The following RXFP2 variants were observed in gnomAD, a reference collection of about 807,000 sequenced individuals.
RXFP2 encodes the protein relaxin receptor 2.
In RXFP2, 68 loss-of-function variants were observed where a neutral mutation model predicts 88.6. That is an observed-to-expected ratio of 0.77 (90% CI 0.63 to 0.94). The LOEUF (loss-of-function observed/expected upper bound fraction) is 0.94. Among genes scored for constraint, RXFP2 ranks in the 40% least tolerant of loss-of-function variants. The probability of loss-of-function intolerance (pLI) is 0.00; values close to 1 mark genes in which losing one functional copy is unlikely to be tolerated. For synonymous variants in RXFP2, 329 were observed against 306.8 expected (o/e 1.07, Z -0.76); for missense variants, 791 against 893.9 (o/e 0.88, Z 1.47).
At chr13:31,768,444 C>T (rs945999298) in intron 5 of RXFP2, among the ~76,000 whole-genome samples, 2 of 152,140 alleles carry the variant, frequency 1.3e-5, no homozygotes, top group African/African-American at 4.8e-5. Flanking sequence ...TGGCTTTGAT[C>T]TCCAAAGTCT....
chr13:31,789,222 A>T (rs1423648096), intron 14 of RXFP2, 29 bp downstream of exon 14: 1 of 1,404,796 alleles, frequency 7.1e-7, no homozygotes, highest in African/African-American at 1.4e-5. Flanking sequence ...TGGAGGAGGA[A>T]GCATGGTAAA....
chr13:31,741,337 C>T (rs1871218671), intron 1 of RXFP2, among the ~76,000 whole-genome samples: 1 of 151,716 alleles, frequency 6.6e-6, no homozygotes, highest in African/African-American at 2.4e-5. Context: ...TAATTTAAAC[C>T]TTTATGTTTA....
Position 31,803,169 on chromosome 13 carries a change from A to G in RXFP2, c.*764A>G, listed in dbSNP as rs1285808072. The stretch of plus-strand genomic sequence containing the variant: ...ATAATTTCTTTAGAGCAGTATCCCT[A>G]TTGCTGGCAAGTTCTGCTTTCATAA... On this transcript the variant is annotated 3_prime_UTR_variant, in exon 18 of 18. Transcript: ENST00000298386. The G allele has an allele frequency of 3.3e-5, 5 of 152,224 alleles. No individual in the cohort carries two copies. The South Asian group carries it at 6.2e-4, about 19-fold the overall frequency. 9.4% of individuals were successfully genotyped at this position (152,224 alleles called of 1,614,324 possible). A position where few individuals can be genotyped will look rare whatever the true frequency, so the allele number is the denominator to read the frequency against.
At chr13:31,778,868 C>G (rs1873124710) in intron 9 of RXFP2, among the ~76,000 whole-genome samples, 1 of 152,144 alleles carries the variant, frequency 6.6e-6, no homozygotes, top group Admixed American at 6.5e-5. Context: ...CTCCTACAGT[C>G]AATTCCCTAA....
chr13:31,747,431 A>G (rs550886521), intron 1 of RXFP2, among the ~76,000 whole-genome samples: 1 of 152,348 alleles, frequency 6.6e-6, no homozygotes, highest in South Asian at 2.1e-4. Context: ...TGCTTCTATT[A>G]CATGCACTCA....
At chr13:31,752,404 T>C (rs1871711337) in intron 1 of RXFP2, among the ~76,000 whole-genome samples, 1 of 152,068 alleles carries the variant, frequency 6.6e-6, no homozygotes, top group Non-Finnish European at 1.5e-5. Flanking sequence ...AGGGCAGGAA[T>C]CTCTGAAGTG....
At chr13:31,794,783 T>C (rs897377382) in intron 16 of RXFP2, among the ~76,000 whole-genome samples, 2 of 151,890 alleles carry the variant, frequency 1.3e-5, no homozygotes, top group East Asian at 1.9e-4. Flanking sequence ...CAGGGTAAGA[T>C]GAAGGACTGA....
intron 16 of RXFP2, among the ~76,000 whole-genome samples, chr13:31,793,827 G>C (rs777958469): frequency 2.5e-4 from 38 of 151,990 alleles, no homozygotes; most frequent in Non-Finnish European, 4.7e-4. Context: ...AAGCTCTTCT[G>C]TCCTTTCTTT....
rs773990372 is a variant in RXFP2, at chr13:31,792,781, G to T, written c.1479G>T (p.Val493=). 2 of 1,614,136 alleles carry T rather than the reference G, an allele frequency of 1.2e-6. No homozygotes were observed. Among genetic ancestry groups the T allele is most frequent in the Non-Finnish European group, 1.7e-6 (2 of 1,180,022 alleles). ...ATGCCTTGCTGTGGATGGAGAGCGT[G>T]CAGTGCCGCCTCATGGGGTTCCTGG... ...QKYALLWMES[V]QCRLMGFLAM... Residue 493 remains valine (V), a synonymous_variant, in exon 16 of 18, where the codon GTG becomes GTT. Transcript: ENST00000298386.
chr13:31,781,295 T>A (rs1555633), intron 9 of RXFP2, among the ~76,000 whole-genome samples: 3 of 152,054 alleles, frequency 2.0e-5, no homozygotes, highest in East Asian at 1.9e-4. Flanking sequence ...TGGATTTCTC[T>A]TATGTTAAAT....
At chr13:31,764,395 A>G (rs1448387748) in intron 3 of RXFP2, among the ~76,000 whole-genome samples, 4 of 148,610 alleles carry the variant, frequency 2.7e-5, no homozygotes, top group Non-Finnish European at 4.5e-5. Context: ...GTACATCCTG[A>G]GTCCTTCTTC....
Position 31,781,713 on chromosome 13 carries a change from G to A in RXFP2, c.828G>A (p.Thr276=), listed in dbSNP as rs929792385. The change falls in exon 10 of 18, where the codon ACG becomes ACA. Residue 276 remains threonine (T), a synonymous_variant. Transcript: ENST00000298386. ...GAATAAAGTATCTCACAAATTCTAC[G>A]TTTCTGTCGTGCGATTCGCTCACAG... The part of the protein sequence containing the change: ...GNRIKYLTNS[T]FLSCDSLTVL... 1.4e-5 allele frequency: 22 copies of A among 1,612,328 alleles called. No homozygotes were observed. Among genetic ancestry groups the A allele is most frequent in the Middle Eastern group, 1.6e-4 (1 of 6,080 alleles).
chr13:31,779,126 C>CTT (rs1167145629), intron 9 of RXFP2, among the ~76,000 whole-genome samples: 9,899 of 120,698 alleles, frequency 0.082, 508 homozygotes, highest in Middle Eastern at 0.14. Flanking sequence ...TTGGGCTTGT[C>CTT]TTTTTTTTTT....
chr13:31,784,135 T>C lies in RXFP2; in HGVS notation c.929+1388T>C, dbSNP rs569621708. Among the ~76,000 whole-genome samples, 10 of 151,978 alleles carry C rather than the reference T, an allele frequency of 6.6e-5. No individual in the cohort carries two copies. In the East Asian group the frequency reaches 1.9e-3, roughly 29 times the overall value. ...AGCCACCACGCCCAACCCAGAGGGG[T>C]ATTTTATATATAAACTTAAGGAAAC... On this transcript the variant is annotated intron_variant, in intron 11 of 17. Coordinates refer to ENST00000298386, the MANE Select transcript of RXFP2 (RefSeq NM_130806.5).
chr13:31,777,724 C>T (rs192089329), intron 8 of RXFP2, among the ~76,000 whole-genome samples: 2 of 152,220 alleles, frequency 1.3e-5, no homozygotes, highest in African/African-American at 4.8e-5. Flanking sequence ...TTTTTATTTG[C>T]AGTGGTTGAC....
chr13:31,787,901 A>G (rs1381772716), intron 13 of RXFP2, among the ~76,000 whole-genome samples: 1 of 152,210 alleles, frequency 6.6e-6, no homozygotes, highest in Non-Finnish European at 1.5e-5. Flanking sequence ...TTGGCCTCCC[A>G]AAGTGCTAGG....
rs1873103856 is a variant in RXFP2 at position 31,778,561 on chromosome 13, C to A, written c.763C>A (p.Gln255Lys). Residue 255 changes from glutamine to lysine, a missense_variant, in exon 9 of 18, where the codon CAA becomes AAA. Coordinates refer to ENST00000298386, the MANE Select transcript of RXFP2 (RefSeq NM_130806.5). ...LEALPKQMCA[Q>K]MPQLNWVDLE... ...AGCTCTTCCCAAGCAGATGTGTGCC[C>A]AAATGCCTCAACTCAACTGGGTGTG... The A allele has an allele frequency of 1.2e-6, 2 of 1,610,646 alleles. No individual in the cohort carries two copies. Among genetic ancestry groups the A allele is most frequent in the African/African-American group, 2.7e-5 (2 of 74,800 alleles).
chr13:31,767,041 G>T (rs958038336), intron 5 of RXFP2, among the ~76,000 whole-genome samples: 3 of 152,102 alleles, frequency 2.0e-5, no homozygotes, highest in Admixed American at 6.5e-5. Context: ...TCAATATCCA[G>T]CATAGAGGAG....
chr13:31,783,983 A>ATTTTTTTTTTTTTTTTTTTTTT (rs10686799), intron 11 of RXFP2, among the ~76,000 whole-genome samples: 4 of 121,574 alleles, frequency 3.3e-5, no homozygotes, highest in Non-Finnish European at 5.0e-5. Context: ...TGCCTGGCTA[A>ATTTTTTTTTTTTTTTTTTTTTT]TTTTTTTTTT....
Sources: gnomAD v4.1 joint callset for allele counts (sites outside exome capture counted in the v4.1 genomes callset) on GRCh38, gnomAD v4.1.1 for gene constraint, MANE v1.5 for transcripts, NCBI Gene and HGNC (gene_info 2026-07-23, HGNC 2026-07-21) for gene names.